The following TMEM132B variants were observed in gnomAD, a reference collection of about 807,000 sequenced individuals.
The protein encoded by TMEM132B is transmembrane protein 132B.
In TMEM132B, 18 loss-of-function variants were observed where a neutral mutation model predicts 90.8. The ratio of observed to expected loss-of-function variants is 0.20; its 90% CI spans 0.14 to 0.29. The LOEUF (loss-of-function observed/expected upper bound fraction) is 0.29. TMEM132B is among the 10% of genes least tolerant of loss of function. TMEM132B has a pLI of 1.00. For synonymous variants in TMEM132B, 504 were observed against 523.3 expected, an observed-to-expected ratio of 0.96 and a Z score of 0.50; for missense variants, 1,096 against 1,326.8, an observed-to-expected ratio of 0.83 and a Z score of 2.70.
At chr12:125,242,037 A>G (rs1874081997) in intron 1 of TMEM132B, among the ~76,000 whole-genome samples, 1 of 152,250 alleles carries the variant, frequency 6.6e-6, no homozygotes. Flanking sequence ...ATAGAATAAC[A>G]ACGAGTATTT....
chr12:125,195,393 G>GTT (rs1565972835), intron 1 of TMEM132B, among the ~76,000 whole-genome samples: 66 of 102,696 alleles, frequency 6.4e-4, no homozygotes, highest in African/African-American at 2.0e-3. Flanking sequence ...AGGGTTTGCG[G>GTT]GTTTTTTTTT....
chr12:125,276,775 C>A (rs144855866), intron 1 of TMEM132B, among the ~76,000 whole-genome samples: 108 of 152,294 alleles, frequency 7.1e-4, no homozygotes, highest in Non-Finnish European at 1.3e-3. Flanking sequence ...GGTGCAGTAA[C>A]AACTGTCAGC....
In TMEM132B at chr12:125,457,235, G is replaced by A. The variant is rs115303416; in HGVS notation, c.1106+41558G>A. Among the ~76,000 whole-genome samples, 760 of 152,294 alleles carry A rather than the reference G, an allele frequency of 5.0e-3. 7 individuals are homozygous for A. Among genetic ancestry groups the A allele is most frequent in the African/African-American group, 0.017 (724 of 41,558 alleles). On this transcript the variant is annotated intron_variant, in intron 3 of 8. Coordinates refer to ENST00000682704, the MANE Select transcript of TMEM132B (RefSeq NM_001366854.1). ...CTCTTTCCTTCTCTCCACCTCCTTC[G>A]CAGGGATTCCTAGTTTCTCCCCTAA...
At chr12:125,515,866 A>G (rs965617313) in intron 3 of TMEM132B, among the ~76,000 whole-genome samples, 7 of 151,584 alleles carry the variant, frequency 4.6e-5, no homozygotes, top group Non-Finnish European at 7.4e-5. Context: ...TCTCCCTGTC[A>G]CACACACTCA....
rs1395717185 is a variant in TMEM132B at position 125,459,643 on chromosome 12, T to C, written c.1106+43966T>C. Among the ~76,000 whole-genome samples the C allele has an allele frequency of 6.6e-6, 1 of 152,176 alleles. No individual in the cohort carries two copies. Among genetic ancestry groups the C allele is most frequent in the East Asian group, 1.9e-4 (1 of 5,204 alleles). ...TGACTGTAGTCAATAATAATTTAAT[T>C]GTATGTTTTAAAATAACTAGAAGAG... On this transcript the variant is annotated intron_variant, in intron 3 of 8. Coordinates refer to ENST00000682704, the MANE Select transcript of TMEM132B (RefSeq NM_001366854.1). The surrounding 1 kb of genome is among the most constrained non-coding windows in gnomAD (Gnocchi z 4.1).
At position 125,408,931 on chromosome 12, in the gene TMEM132B, T is replaced by C. The variant is rs1879599430; in HGVS notation, c.960-6600T>C. ...ATTCTGCTGAGTAAGTGTTTTGACTTTTGTACTGCACAAGGGGATACACCA... is the reference window on the plus strand; with the variant it reads ...ATTCTGCTGAGTAAGTGTTTTGACTCTTGTACTGCACAAGGGGATACACCA... On this transcript the variant is annotated intron_variant, in intron 2 of 8. Coordinates refer to ENST00000682704, the MANE Select transcript of TMEM132B (RefSeq NM_001366854.1). This position sits in a 1 kb window ranked among gnomAD's most constrained non-coding sequence, Gnocchi z 5.9. Among the ~76,000 whole-genome samples, 1 of 152,200 alleles carries C rather than the reference T, an allele frequency of 6.6e-6. No homozygotes were observed. The highest frequency in any genetic ancestry group is 1.5e-5 in the Non-Finnish European group (1 of 68,028).
At chr12:125,305,795 T>TGTTC (rs1204602810) in intron 1 of TMEM132B, among the ~76,000 whole-genome samples, 1 of 152,220 alleles carries the variant, frequency 6.6e-6, no homozygotes, top group Non-Finnish European at 1.5e-5. Flanking sequence ...CCAGATGGAC[T>TGTTC]GTTCGTGTTG....
intron 3 of TMEM132B, among the ~76,000 whole-genome samples, chr12:125,453,092 C>G (rs776938017): frequency 0.068 from 10,302 of 151,830 alleles, 942 homozygotes; most frequent in African/African-American, 0.21. Flanking sequence ...CACACACACA[C>G]ACACACACAC....
At chr12:125,418,361 T>C (rs1245792993) in intron 3 of TMEM132B, among the ~76,000 whole-genome samples, 1 of 152,024 alleles carries the variant, frequency 6.6e-6, no homozygotes, top group Non-Finnish European at 1.5e-5. Flanking sequence ...GGAGAAAAAG[T>C]GTCCTCTTTC....
intron 3 of TMEM132B, among the ~76,000 whole-genome samples, chr12:125,485,948 C>A (rs907206383): frequency 2.6e-5 from 4 of 152,202 alleles, no homozygotes; most frequent in Admixed American, 6.5e-5. Flanking sequence ...ACTTACCGTG[C>A]AGTCTAACTA....
chr12:125,535,321 G>C (rs749646084), intron 4 of TMEM132B, among the ~76,000 whole-genome samples: 7 of 152,108 alleles, frequency 4.6e-5, no homozygotes, highest in Admixed American at 6.5e-5. Flanking sequence ...GATCCTGAGC[G>C]GGGGAAAAGA....
At chr12:125,241,940 C>T (rs984843085) in intron 1 of TMEM132B, among the ~76,000 whole-genome samples, 2 of 152,152 alleles carry the variant, frequency 1.3e-5, no homozygotes, top group East Asian at 1.9e-4. Flanking sequence ...AAGGCAGACC[C>T]GTGGGGAGCA....
chr12:125,295,526 G>GAGAGAA (rs1420408164), intron 1 of TMEM132B, among the ~76,000 whole-genome samples: 1 of 151,160 alleles, frequency 6.6e-6, no homozygotes, highest in East Asian at 1.9e-4. Context: ...GAGAGAGAGA[G>GAGAGAA]AGAGAGAGAG....
At chr12:125,501,672 G>A (rs1422283427) in intron 3 of TMEM132B, among the ~76,000 whole-genome samples, 1 of 152,114 alleles carries the variant, frequency 6.6e-6, no homozygotes, top group Non-Finnish European at 1.5e-5. Flanking sequence ...TTTGTGGGAT[G>A]CCATGGCTGA....
chr12:125,337,207 A>T (rs1457330576), intron 1 of TMEM132B, among the ~76,000 whole-genome samples: 1 of 152,188 alleles, frequency 6.6e-6, no homozygotes, highest in Non-Finnish European at 1.5e-5. Flanking sequence ...ACTTTTTAGT[A>T]GGGATGGGAC....
At chr12:125,249,262 C>G (rs1275376286) in intron 1 of TMEM132B, among the ~76,000 whole-genome samples, 1 of 152,142 alleles carries the variant, frequency 6.6e-6, no homozygotes, top group East Asian at 1.9e-4. Context: ...GGCTCCATCC[C>G]AGAGTTTCTG....
intron 2 of TMEM132B, among the ~76,000 whole-genome samples, chr12:125,360,008 G>C (rs1877909437): frequency 1.3e-5 from 2 of 152,220 alleles, no homozygotes; most frequent in African/African-American, 2.4e-5. Flanking sequence ...AACCCAGGAG[G>C]TGGAGGTTGC....
At position 125,653,872 on chromosome 12, in the gene TMEM132B, G is replaced by A. The variant is rs745426249; in HGVS notation, c.2414G>A (p.Ser805Asn). 1.2e-6 allele frequency: 2 copies of A among 1,614,184 alleles called. No individual in the cohort carries two copies. The highest frequency in any genetic ancestry group is 1.7e-6 in the Non-Finnish European group (2 of 1,180,040). Residue 805 changes from serine (S) to asparagine (N), a missense_variant, in exon 9 of 9, where the codon AGC becomes AAC. Coordinates refer to ENST00000682704, the MANE Select transcript of TMEM132B (RefSeq NM_001366854.1). ...AGTAGTGATGAGCACCAAGGAGGCA[G>A]CAATGATATTGAGGGCATAAATCGG... is the stretch of plus-strand genomic sequence containing the variant. ...EPSSDEHQGG[S>N]NDIEGINREY...
chr12:125,374,433 T>C (rs1878412504), intron 2 of TMEM132B, among the ~76,000 whole-genome samples: 1 of 99,904 alleles, frequency 1.0e-5, no homozygotes, highest in East Asian at 2.2e-4. Flanking sequence ...CACAAACATG[T>C]TTTTTTTTGT....
Sources: gnomAD v4.1 joint callset for allele counts (sites outside exome capture counted in the v4.1 genomes callset) on GRCh38, gnomAD v4.1.1 for gene constraint, Gnocchi (gnomAD v3.1) non-coding constraint, MANE v1.5 for transcripts, NCBI Gene and HGNC (gene_info 2026-07-23, HGNC 2026-07-21) for gene names.